LAMB2: variants seen among roughly 807,000 people sequenced by gnomAD.
LAMB2 encodes laminin subunit beta-2.
In LAMB2, 119 loss-of-function variants were observed where a neutral mutation model predicts 202.7. That is an observed-to-expected ratio of 0.59 (90% CI 0.51 to 0.68). The LOEUF (loss-of-function observed/expected upper bound fraction) is 0.68. Among genes scored for constraint, LAMB2 ranks in the 30% least tolerant of loss-of-function variants. LAMB2 has a pLI of 0.00. For missense variants in LAMB2, 2,124 were observed against 2,410.6 expected (o/e 0.88, Z 2.49); for synonymous variants, 818 against 902.2 (o/e 0.91, Z 1.67).
Position 49,130,277 on chromosome 3 carries a change from G to A in LAMB2, c.1179C>T (p.Phe393=). 1 of 1,614,258 alleles carries A rather than the reference G, an allele frequency of 6.2e-7. No individual in the cohort carries two copies. The highest frequency in any genetic ancestry group is 1.6e-4 in the Middle Eastern group (1 of 6,062). The change falls in exon 9 of 32, where the codon TTC becomes TTT. Residue 393 remains phenylalanine (F), a synonymous_variant. Coordinates refer to ENST00000305544, the MANE Select transcript of LAMB2 (RefSeq NM_002292.4). This position sits in a 1 kb window ranked among gnomAD's most constrained non-coding sequence, Gnocchi z 5.0. ...GCAGGTCCTTGGTTGGGTCACGGTA[G>A]AAGAAGGGCCGACAGAGCTCACAGT... ...GRHCELCRPF[F]YRDPTKDLRD...
Position 49,123,248 on chromosome 3 carries a change from C to G in LAMB2, c.4108G>C (p.Ala1370Pro). The G allele has an allele frequency of 6.2e-7, 1 of 1,614,072 alleles. No homozygotes were observed. The highest frequency in any genetic ancestry group is 8.5e-7 in the Non-Finnish European group (1 of 1,180,050). The part of the protein sequence containing the change: ...NSASARHRTE[A>P]LMDAQKEDFN... ...TCCTCCTTCTGAGCATCCATCAGTG[C>G]CTCTGTCCGATGCCGAGCACTTGCC... Residue 1370 changes from alanine to proline, a missense_variant, in exon 26 of 32, where the codon GCA (alanine) becomes CCA (proline). Around this residue, in one of 3 missense-constraint regions of LAMB2, gnomAD observed 1,702 missense variants for 1,896.3 expected, o/e 0.90. Transcript: ENST00000305544.
rs767813987 is a variant in LAMB2 at position 49,128,558 on chromosome 3, G to C, written c.1918C>G (p.Leu640Val). Residue 640 changes from leucine to valine, a missense_variant, in exon 15 of 32, where the codon CTG (leucine) becomes GTG (valine). Physicochemically the swap from Leu to Val is conservative, Grantham distance 32. Around this residue, in one of 3 missense-constraint regions of LAMB2, gnomAD observed 1,702 missense variants for 1,896.3 expected, o/e 0.90. Transcript: ENST00000305544. ...ACAGGCCCTGGACGCTGCACAATCA[G>C]TTCCAACTCTGCCCATTGCTCAGGG... ...QVPEQWAELE[L>V]IVQRPGPVPA... 1.9e-6 allele frequency: 3 copies of C among 1,614,112 alleles called. No individual in the cohort carries two copies. Among genetic ancestry groups the C allele is most frequent in the Non-Finnish European group, 2.5e-6 (3 of 1,180,052 alleles).
rs1254734980 is a variant in LAMB2 at position 49,125,363 on chromosome 3, T to G, written c.2610A>C (p.Gly870=). 1 of 1,613,820 alleles carries G rather than the reference T, an allele frequency of 6.2e-7. No individual in the cohort carries two copies. The highest frequency in any genetic ancestry group is 2.2e-5 in the East Asian group (1 of 44,890). ...RCDRCQRGQW[G]FPSCRPCVCN... ...AGACACATGGCCGGCAGCTAGGGAA[T>G]CCCCACTGGCCACGCTGGCAGCGGT... Residue 870 remains glycine, a synonymous_variant, in exon 19 of 32, where the codon GGA becomes GGC. Coordinates refer to ENST00000305544, the MANE Select transcript of LAMB2 (RefSeq NM_002292.4).
In LAMB2 at chr3:49,131,343, A is replaced by G; in HGVS notation, c.712+36T>C. ...GGCCCCAAATAGTCCCTAGCCGGAC[A>G]CGGACTGTGCCAGACTCAAAGGGTG... On this transcript the variant is annotated intron_variant, in intron 6 of 31. Transcript: ENST00000305544. The surrounding 1 kb of genome is among the most constrained non-coding windows in gnomAD (Gnocchi z 5.0). The G allele has an allele frequency of 1.2e-6, 2 of 1,608,566 alleles. No homozygotes were observed. Among genetic ancestry groups the G allele is most frequent in the Non-Finnish European group, 1.7e-6 (2 of 1,175,148 alleles).
intron 15 of LAMB2, among the ~76,000 whole-genome samples, chr3:49,127,378 T>C (rs1440877598): frequency 6.6e-6 from 1 of 152,128 alleles, no homozygotes; most frequent in Non-Finnish European, 1.5e-5. Flanking sequence ...TTTCCTTCTG[T>C]TTGAATATTT....
Position 49,121,117 on chromosome 3 carries a change from G to T in LAMB2, c.*109C>A. ...AATCAGAGTCCAGACAACACAGTGG[G>T]GGTTCACACTGGTTTATTGGGGGCC... On this transcript the variant is annotated 3_prime_UTR_variant, in exon 32 of 32. Transcript: ENST00000305544. 1 of 1,325,564 alleles carries T rather than the reference G, an allele frequency of 7.5e-7. No individual in the cohort carries two copies. Among genetic ancestry groups the T allele is most frequent in the South Asian group, 1.3e-5 (1 of 79,528 alleles). 82.1% of individuals were successfully genotyped at this position (1,325,564 alleles called of 1,614,324 possible).
intron 15 of LAMB2, among the ~76,000 whole-genome samples, chr3:49,127,091 T>C (rs1371818139): frequency 6.6e-6 from 1 of 152,104 alleles, no homozygotes; most frequent in African/African-American, 2.4e-5. Context: ...GTTCAAGATA[T>C]CCTCCCACCT....
intron 21 of LAMB2, 44 bp downstream of exon 21, chr3:49,124,657 A>T: frequency 6.2e-7 from 1 of 1,613,824 alleles, no homozygotes; most frequent in Non-Finnish European, 8.5e-7. Flanking sequence ...GAGGCCAAGA[A>T]GCAGAACCCC....
In LAMB2 at chr3:49,121,530, G is replaced by T. The variant is rs1269364105; in HGVS notation, c.5163C>A (p.Ala1721=). The T allele has an allele frequency of 1.2e-6, 2 of 1,613,920 alleles. No individual in the cohort carries two copies. The highest frequency in any genetic ancestry group is 8.5e-7 in the Non-Finnish European group (1 of 1,180,044). Residue 1721 remains alanine (A), a synonymous_variant, in exon 31 of 32, where the codon GCC becomes GCA. Transcript: ENST00000305544. ...TTGCCTGTGCAGCCAGCACACCTTGGGCCTTGCGCTCAGCTAGGGCCTTCA... is the reference window on the plus strand; with the variant it reads ...TTGCCTGTGCAGCCAGCACACCTTGTGCCTTGCGCTCAGCTAGGGCCTTCA... ...QTVKALAERK[A]QGVLAAQARA...
chr3:49,130,619 G>C lies in LAMB2; in HGVS notation c.1036+121C>G. ...TGAGGGGGTCCCAAGGGGCATCAAG[G>C]TCTGCATACTCTTTGGATACAGCCT... On this transcript the variant is annotated intron_variant, in intron 8 of 31. Transcript: ENST00000305544. This position sits in a 1 kb window ranked among gnomAD's most constrained non-coding sequence, Gnocchi z 5.0. The C allele has an allele frequency of 6.7e-7, 1 of 1,495,592 alleles. No homozygotes were observed. Among genetic ancestry groups the C allele is most frequent in the African/African-American group, 1.4e-5 (1 of 72,828 alleles). 92.6% of individuals were successfully genotyped at this position (1,495,592 alleles called of 1,614,324 possible).
At position 49,121,781 on chromosome 3, in the gene LAMB2, T is replaced by G. The variant is rs1307693506; in HGVS notation, c.5003A>C (p.Glu1668Ala). The G allele has an allele frequency of 1.9e-6, 3 of 1,613,290 alleles. No homozygotes were observed. The highest frequency in any genetic ancestry group is 2.5e-6 in the Non-Finnish European group (3 of 1,180,002). ...ERARQLDALL[E>A]ALKLKRAGNS... ...TCCTGCCCGTTTCAATTTCAGAGCC[T>G]CCAGGAGAGCATCCAACTGCCGAGC... Residue 1668 changes from glutamate (E) to alanine (A), a missense_variant, in exon 30 of 32, where the codon GAG (glutamate) becomes GCG (alanine). By Grantham distance (107) the Glu-to-Ala change is moderately radical. Coordinates refer to ENST00000305544, the MANE Select transcript of LAMB2 (RefSeq NM_002292.4).
rs1038071721 is a variant in LAMB2, at chr3:49,130,132, G to A, written c.1225+99C>T. 1.3e-6 allele frequency: 2 copies of A among 1,583,984 alleles called. No individual in the cohort carries two copies. The highest frequency in any genetic ancestry group is 2.7e-5 in the African/African-American group (2 of 74,258). Reference sequence around the variant, plus strand: ...GATCCCTGGTCAAGTTCTATCCCAAGCCCCTAACCCCAATTTCCTGCAATT... The same window carrying A: ...GATCCCTGGTCAAGTTCTATCCCAAACCCCTAACCCCAATTTCCTGCAATT... On this transcript the variant is annotated intron_variant, in intron 9 of 31. Transcript: ENST00000305544. This position sits in a 1 kb window ranked among gnomAD's most constrained non-coding sequence, Gnocchi z 5.0.
chr3:49,132,776 C>A lies in LAMB2; in HGVS notation c.76+16G>T. 1 of 1,614,166 alleles carries A rather than the reference C, an allele frequency of 6.2e-7. No individual in the cohort carries two copies. The highest frequency in any genetic ancestry group is 1.1e-5 in the South Asian group (1 of 91,088). On this transcript the variant is annotated intron_variant, in intron 1 of 31. Transcript: ENST00000305544. This position sits in a 1 kb window ranked among gnomAD's most constrained non-coding sequence, Gnocchi z 4.6. ...ATCACATTCCACAACCCCCAGCCCC[C>A]ACCAGGCCCTCTCACCGCTTAGCAG... is the stretch of plus-strand genomic sequence containing the variant.
rs754842572 is a variant in LAMB2 at position 49,124,599 on chromosome 3, G to T, written c.3123C>A (p.Asn1041Lys). 2.5e-6 allele frequency: 4 copies of T among 1,613,686 alleles called. No individual in the cohort carries two copies. The highest frequency in any genetic ancestry group is 2.5e-6 in the Non-Finnish European group (3 of 1,179,918). The change falls in exon 22 of 32, where the codon AAC becomes AAA. Residue 1041 changes from asparagine to lysine, a missense_variant. Physicochemically the swap from Asn to Lys is moderately conservative, Grantham distance 94 (BLOSUM62 0). Coordinates refer to ENST00000305544, the MANE Select transcript of LAMB2 (RefSeq NM_002292.4). The stretch of plus-strand genomic sequence containing the variant: ...ACTGCTGCGGATTTGTGCCCAGCAG[G>T]TTGCATGTGCAGCCTGTGCCAACCA... ...ARQSCHRCTCNLLGTNPQQCP... is the reference protein window; with the variant it reads ...ARQSCHRCTCKLLGTNPQQCP...
In LAMB2 at chr3:49,121,855, C is replaced by T; in HGVS notation, c.4929G>A (p.Gln1643=). The change falls in exon 30 of 32, where the codon CAG becomes CAA. Residue 1643 remains glutamine, a synonymous_variant. Transcript: ENST00000305544. The stretch of plus-strand genomic sequence containing the variant: ...CCCGCTCTGCACCTGCCATCCTCTC[C>T]TGTACCTGCCATGGGTGAGCCAAAG... ...RDTEQTLYQV[Q]ERMAGAERAL... is the part of the protein sequence containing the mutation. 1 of 1,613,230 alleles carries T rather than the reference C, an allele frequency of 6.2e-7. No homozygotes were observed. Among genetic ancestry groups the T allele is most frequent in the Non-Finnish European group, 8.5e-7 (1 of 1,180,032 alleles).
rs771365533 is a variant in LAMB2 at position 49,126,151 on chromosome 3, C to T, written c.2160G>A (p.Leu720=). The T allele has an allele frequency of 2.2e-5, 35 of 1,612,356 alleles. No individual in the cohort carries two copies. Among genetic ancestry groups the T allele is most frequent in the Non-Finnish European group, 3.0e-5 (35 of 1,179,954 alleles). The change falls in exon 17 of 32, where the codon CTG becomes CTA. Residue 720 remains leucine, a synonymous_variant. Transcript: ENST00000305544. Reference sequence around the variant, plus strand: ...TCTCTAGCACCAGGACACGGGGCAGCAGCACCAGCTGAAGGAGTGAGCAAG... The same window carrying T: ...TCTCTAGCACCAGGACACGGGGCAGTAGCACCAGCTGAAGGAGTGAGCAAG... The part of the protein sequence containing the change: ...GPGLLIDSLV[L]LPRVLVLEMF...
In LAMB2 at chr3:49,130,698, G is replaced by C. The variant is rs760663767; in HGVS notation, c.1036+42C>G. On this transcript the variant is annotated intron_variant, in intron 8 of 31. Transcript: ENST00000305544. This position sits in a 1 kb window ranked among gnomAD's most constrained non-coding sequence, Gnocchi z 5.0. ...TAGGTTCTACCCAGGGCACAGCCAGGCTGCAGAGTGCTGGAGCTATGGAGG... is the reference window on the plus strand; with the variant it reads ...TAGGTTCTACCCAGGGCACAGCCAGCCTGCAGAGTGCTGGAGCTATGGAGG... 2.2e-5 allele frequency: 35 copies of C among 1,612,002 alleles called. No homozygotes were observed. Among genetic ancestry groups the C allele is most frequent in the Non-Finnish European group, 3.0e-5 (35 of 1,179,878 alleles).
At position 49,130,374 on chromosome 3, in the gene LAMB2, G is replaced by T. The variant is rs1270231900; in HGVS notation, c.1082C>A (p.Ala361Asp). 1 of 1,614,144 alleles carries T rather than the reference G, an allele frequency of 6.2e-7. No individual in the cohort carries two copies. The highest frequency in any genetic ancestry group is 2.2e-5 in the East Asian group (1 of 44,886). ...GHTHSCHFDM[A>D]VYLASGNVSG... The stretch of plus-strand genomic sequence containing the variant: ...CACATTGCCAGATGCCAGGTATACG[G>T]CCATGTCGAAGTGGCAGCTGTGGGT... Residue 361 changes from alanine to aspartate, a missense_variant, in exon 9 of 32, where the codon GCC becomes GAC. Physicochemically the swap from Ala to Asp is moderately radical, Grantham distance 126. Around this residue, in one of 3 missense-constraint regions of LAMB2, gnomAD observed 256 missense variants for 356.1 expected, o/e 0.72. Coordinates refer to ENST00000305544, the MANE Select transcript of LAMB2 (RefSeq NM_002292.4). The surrounding 1 kb of genome is among the most constrained non-coding windows in gnomAD (Gnocchi z 5.0).
Position 49,132,323 on chromosome 3 carries a change from A to G in LAMB2, c.332T>C (p.Val111Ala). ...DNPHSHRIQN[V>A]VTSFAPQRRA... ...CCGCTGTGGTGCAAAGCTGGTGACT[A>G]CATTCTGGATGCGATGGCTGTGTGG... is the stretch of plus-strand genomic sequence containing the variant. The change falls in exon 3 of 32, where the codon GTA (valine) becomes GCA (alanine). Residue 111 changes from valine (V) to alanine (A), a missense_variant. Physicochemically the swap from Val to Ala is moderately conservative, Grantham distance 64. Coordinates refer to ENST00000305544, the MANE Select transcript of LAMB2 (RefSeq NM_002292.4). The surrounding 1 kb of genome is among the most constrained non-coding windows in gnomAD (Gnocchi z 4.6). 1 of 1,614,234 alleles carries G rather than the reference A, an allele frequency of 6.2e-7. No individual in the cohort carries two copies. Among genetic ancestry groups the G allele is most frequent in the Non-Finnish European group, 8.5e-7 (1 of 1,180,034 alleles).
Sources: allele counts gnomAD v4.1 joint callset (sites outside exome capture counted in the v4.1 genomes callset), GRCh38; gene constraint gnomAD v4.1.1; regional missense constraint gnomAD v4.1.1; non-coding constraint Gnocchi (gnomAD v3.1); transcripts MANE v1.5; gene names NCBI Gene and HGNC (gene_info 2026-07-23, HGNC 2026-07-21).